The following DGKQ variants were observed in gnomAD, a reference collection of about 807,000 sequenced individuals.
DGKQ encodes the protein DAG kinase theta.
DGKQ carries 97 observed loss-of-function variants against 104.2 expected under a neutral mutation model. That is an observed-to-expected ratio of 0.93 (90% CI 0.79 to 1.10). DGKQ has a LOEUF of 1.10. DGKQ is among the 50% of genes least tolerant of loss of function. The pLI, the probability that DGKQ is intolerant of heterozygous loss-of-function variation, is 0.00. For synonymous variants in DGKQ, 736 were observed against 595.2 expected, an observed-to-expected ratio of 1.24 and a Z score of -3.44; for missense variants, 1,465 against 1,352.1, an observed-to-expected ratio of 1.08 and a Z score of -1.31.
At position 962,422 on chromosome 4, in the gene DGKQ, G is replaced by A; in HGVS notation, c.2214+13C>T. 1 of 1,551,118 alleles carries A rather than the reference G, an allele frequency of 6.4e-7. No individual in the cohort carries two copies. Among genetic ancestry groups the A allele is most frequent in the Non-Finnish European group, 8.7e-7 (1 of 1,152,238 alleles). On this transcript the variant is annotated intron_variant, in intron 18 of 22. Transcript: ENST00000273814. Reference sequence around the variant, plus strand: ...GGAGCCTGGAAGGCACCCCACGCCGGGCTGCCCTGTACCTTGGGGGGCTCT... The same window carrying A: ...GGAGCCTGGAAGGCACCCCACGCCGAGCTGCCCTGTACCTTGGGGGGCTCT...
chr4:968,882 CG>C lies in DGKQ; in HGVS notation c.379del (p.Arg127GlyfsTer174), dbSNP rs761931455. 3 of 1,600,264 alleles carry C rather than the reference CG, an allele frequency of 1.9e-6. No individual in the cohort carries two copies. The highest frequency in any genetic ancestry group is 1.7e-4 in the Middle Eastern group (1 of 5,978). On this transcript the variant is annotated frameshift_variant, in exon 3 of 23. Coordinates refer to ENST00000273814, the MANE Select transcript of DGKQ (RefSeq NM_001347.4). LOFTEE classifies it high-confidence loss of function. ...ACAGAACTTGCGCTTGTGGAGCCCC[CG>C]GGGGCCGAAGCAGTGGGCTACAGGA... is the stretch of plus-strand genomic sequence containing the variant. ...RVPVAHCFGP[R>X]GLHKRKFCAV...
chr4:967,903 C>A lies in DGKQ; in HGVS notation c.788G>T (p.Arg263Leu). The A allele has an allele frequency of 1.4e-6, 2 of 1,455,726 alleles. No individual in the cohort carries two copies. The highest frequency in any genetic ancestry group is 9.0e-7 in the Non-Finnish European group (1 of 1,112,390). 90.2% of individuals were successfully genotyped at this position (1,455,726 alleles called of 1,614,324 possible). A position where few individuals can be genotyped will look rare whatever the true frequency, so the allele number is the denominator to read the frequency against. ...ACCCGGCTCCGCGGCCTCCACGATG[C>A]GGAAGCTCTGCGTCTTGCTGAAGCC... ...PGGFSKTQSF[R>L]IVEAAEPGEG... Residue 263 changes from arginine (R) to leucine (L), a missense_variant, in exon 6 of 23, where the codon CGC becomes CTC. Physicochemically the swap from Arg to Leu is moderately radical, Grantham distance 102. Transcript: ENST00000273814.
chr4:968,123 C>G (rs1254490156), intron 5 of DGKQ, 96 bp from the exon 6 acceptor site: 2 of 1,037,616 alleles, frequency 1.9e-6, no homozygotes, highest in Admixed American at 3.1e-5. Context: ...GACGCAGACC[C>G]ACCTGGACCC....
intron 15 of DGKQ, among the ~76,000 whole-genome samples, chr4:963,554 G>A (rs569848622): frequency 9.8e-5 from 15 of 152,328 alleles, no homozygotes; most frequent in African/African-American, 2.9e-4. Flanking sequence ...CCTCAGACCT[G>A]CCCACTGAGC....
At position 962,608 on chromosome 4, in the gene DGKQ, C is replaced by A; in HGVS notation, c.2041G>T (p.Asp681Tyr). 1.2e-6 allele frequency: 2 copies of A among 1,607,584 alleles called. No homozygotes were observed. Among genetic ancestry groups the A allele is most frequent in the Non-Finnish European group, 1.7e-6 (2 of 1,179,636 alleles). The change falls in exon 18 of 23, where the codon GAC becomes TAC. Residue 681 changes from aspartate to tyrosine, a missense_variant. Transcript: ENST00000273814. Reference protein sequence around the residue: ...VAILPLGTGNDLGRVLRWGAG... With the variant: ...VAILPLGTGNYLGRVLRWGAG... ...CCCCAGCGGAGGACTCGACCAAGGTCATTCCCTGGGACACAAGCAGACACA... is the reference window on the plus strand; with the variant it reads ...CCCCAGCGGAGGACTCGACCAAGGTAATTCCCTGGGACACAAGCAGACACA...
At chr4:966,598 C>T in intron 11 of DGKQ, 71 bp from the exon 12 acceptor site, 1 of 1,551,084 alleles carries the variant, frequency 6.4e-7, no homozygotes, top group Non-Finnish European at 8.8e-7. Flanking sequence ...GCCCGGAGCC[C>T]CCAGGGCCCG....
chr4:967,800 C>T lies in DGKQ; in HGVS notation c.814G>A (p.Glu272Lys). Residue 272 changes from glutamate to lysine, a missense_variant and splice_region_variant, in exon 7 of 23, where the codon GAG (glutamate) becomes AAG (lysine). By Grantham distance (56) the Glu-to-Lys change is moderately conservative (BLOSUM62 1). Transcript: ENST00000273814. ...CTCCCGTCGGCGCCGTCGCCCCCCT[C>T]GCCTGCGGGTCGGGCACACGGACCC... Reference protein sequence around the residue: ...FRIVEAAEPGEGGDGADGSAA... With the variant: ...FRIVEAAEPGKGGDGADGSAA... 1.3e-6 allele frequency: 2 copies of T among 1,598,788 alleles called. No homozygotes were observed. Among genetic ancestry groups the T allele is most frequent in the South Asian group, 1.1e-5 (1 of 89,556 alleles).
In DGKQ at chr4:973,335, C is replaced by A. The variant is rs1417834840; in HGVS notation, c.148G>T (p.Val50Phe). The A allele has an allele frequency of 5.7e-6, 8 of 1,398,430 alleles. No homozygotes were observed. The highest frequency in any genetic ancestry group is 2.8e-5 in the Admixed American group (1 of 35,662). 86.6% of individuals were successfully genotyped at this position (1,398,430 alleles called of 1,614,324 possible). A position where few individuals can be genotyped will look rare whatever the true frequency, so the allele number is the denominator to read the frequency against. Reference sequence around the variant, plus strand: ...GCGGCAGCGGGGCCCGGGGCTCTGACGCCCGCCCGCTCGGGTCCCGGCCCC... The same window carrying A: ...GCGGCAGCGGGGCCCGGGGCTCTGAAGCCCGCCCGCTCGGGTCCCGGCCCC... ...GPGPGPERAG[V>F]RAPGPAAAPG... The change falls in exon 1 of 23, where the codon GTC (valine) becomes TTC (phenylalanine). Residue 50 changes from valine (V) to phenylalanine (F), a missense_variant. Physicochemically the swap from Val to Phe is conservative, Grantham distance 50. Coordinates refer to ENST00000273814, the MANE Select transcript of DGKQ (RefSeq NM_001347.4).
chr4:968,086 C>CGCCA (rs1203302859), intron 5 of DGKQ, 59 bp from the exon 6 acceptor site: 1 of 1,261,106 alleles, frequency 7.9e-7, no homozygotes, highest in Non-Finnish European at 1.0e-6. Context: ...GCACCAGGTG[C>CGCCA]GCCAGGTCCA....
chr4:961,371 C>T (rs1316272852), intron 21 of DGKQ, 96 bp downstream of exon 21: 1 of 1,397,870 alleles, frequency 7.2e-7, no homozygotes, highest in African/African-American at 1.5e-5. Flanking sequence ...GACGCCCACC[C>T]TGGACCTGGC....
At chr4:968,198 C>CACCAACTCCTCCACCTCCCA in intron 5 of DGKQ, 84 bp downstream of exon 5, 1 of 742,816 alleles carries the variant, frequency 1.3e-6, no homozygotes, top group Non-Finnish European at 2.0e-6. Flanking sequence ...TGCCCCGCCC[C>CACCAACTCCTCCACCTCCCA]GCCAACTCCT....
chr4:971,867 A>G lies in DGKQ; in HGVS notation c.272-795T>C, dbSNP rs1712958878. ...CGGAGCCCCAGGCAGTCCAGCTGGG[A>G]CAGGGAGCTCTTCCAGAAGGCCCCG... On this transcript the variant is annotated intron_variant, in intron 1 of 22. Coordinates refer to ENST00000273814, the MANE Select transcript of DGKQ (RefSeq NM_001347.4). The surrounding 1 kb of genome is among the most constrained non-coding windows in gnomAD (Gnocchi z 4.0). Among the ~76,000 whole-genome samples the G allele has an allele frequency of 6.6e-6, 1 of 151,958 alleles. No homozygotes were observed. The highest frequency in any genetic ancestry group is 6.6e-5 in the Admixed American group (1 of 15,262).
At chr4:962,671 G>A in intron 17 of DGKQ, 58 bp from the exon 18 acceptor site, 1 of 1,591,462 alleles carries the variant, frequency 6.3e-7, no homozygotes, top group Non-Finnish European at 8.5e-7. Context: ...TCAGCTGGGT[G>A]CAGACCCCAC....
Position 968,899 on chromosome 4 carries a change from G to T in DGKQ, c.363C>A (p.Ala121=). The T allele has an allele frequency of 6.3e-7, 1 of 1,592,334 alleles. No individual in the cohort carries two copies. Residue 121 remains alanine, a synonymous_variant, in exon 3 of 23, where the codon GCC becomes GCA. Coordinates refer to ENST00000273814, the MANE Select transcript of DGKQ (RefSeq NM_001347.4). The part of the protein sequence containing the change: ...VAPSLVRVPV[A]HCFGPRGLHK... ...GGAGCCCCCGGGGGCCGAAGCAGTG[G>T]GCTACAGGAACCTGGTGGGGCAGCC...
At chr4:970,636 G>A (rs1035050819) in intron 2 of DGKQ, among the ~76,000 whole-genome samples, 5 of 152,104 alleles carry the variant, frequency 3.3e-5, no homozygotes, top group African/African-American at 9.7e-5. Flanking sequence ...CTGAGGTCAC[G>A]CCAGATGCCG....
At position 961,482 on chromosome 4, in the gene DGKQ, C is replaced by G; in HGVS notation, c.2559G>C (p.Thr853=). ...GGCGGCTCACCATGTGCACGACGCC[C>G]GTCACGCCCACAACCTCCAGCAGCC... ...DDGLLEVVGV[T]GVVHMGQVQG... Residue 853 remains threonine, a synonymous_variant, in exon 21 of 23, where the codon ACG becomes ACC. Transcript: ENST00000273814. 1.2e-6 allele frequency: 2 copies of G among 1,602,182 alleles called. No homozygotes were observed. Among genetic ancestry groups the G allele is most frequent in the African/African-American group, 2.7e-5 (2 of 74,670 alleles).
rs1713072101 is a variant in DGKQ, at chr4:973,168, G to C, written c.271+44C>G. On this transcript the variant is annotated intron_variant, in intron 1 of 22. Transcript: ENST00000273814. The stretch of plus-strand genomic sequence containing the variant: ...CGCTCAGGCTCCCGCCCACGGGGCA[G>C]AGGCAGGGCTGCAGCCGGGTAGGCA... 3 of 1,486,812 alleles carry C rather than the reference G, an allele frequency of 2.0e-6. No homozygotes were observed. In the East Asian group the frequency reaches 8.9e-5, roughly 44 times the overall value. 92.1% of individuals were successfully genotyped at this position (1,486,812 alleles called of 1,614,324 possible).
rs773677269 is a variant in DGKQ at position 961,058 on chromosome 4, A to G, written c.2718T>C (p.Ala906=). 1.9e-6 allele frequency: 3 copies of G among 1,612,058 alleles called. No homozygotes were observed. The highest frequency in any genetic ancestry group is 3.3e-5 in the Admixed American group (2 of 59,970). The change falls in exon 22 of 23, where the codon GCT becomes GCC. Residue 906 remains alanine (A), a synonymous_variant. Coordinates refer to ENST00000273814, the MANE Select transcript of DGKQ (RefSeq NM_001347.4). Reference sequence around the variant, plus strand: ...GCCTCACCCCACATACCTTAGGGCCAGCAGCTGAGATGATCATGTGCCCCG... The same window carrying G: ...GCCTCACCCCACATACCTTAGGGCCGGCAGCTGAGATGATCATGTGCCCCG... ...QAPGHMIISA[A]GPKVHMLRKA... is the part of the protein sequence containing the mutation.
chr4:960,706 T>C lies in DGKQ; in HGVS notation c.2743A>G (p.Lys915Glu). The C allele has an allele frequency of 1.2e-6, 2 of 1,612,056 alleles. No individual in the cohort carries two copies. Among genetic ancestry groups the C allele is most frequent in the Non-Finnish European group, 1.7e-6 (2 of 1,179,712 alleles). ...GCCCTCCTCGGCTTCTGCTTGGCCT[T>C]CCTCAGCATGTGCACCTGTCCCAGG... ...AAGPKVHMLR[K>E]AKQKPRRAGT... The change falls in exon 23 of 23, where the codon AAG becomes GAG. Residue 915 changes from lysine (K) to glutamate (E), a missense_variant. Coordinates refer to ENST00000273814, the MANE Select transcript of DGKQ (RefSeq NM_001347.4).
Sources: allele counts gnomAD v4.1 joint callset (sites outside exome capture counted in the v4.1 genomes callset), GRCh38; gene constraint gnomAD v4.1.1; non-coding constraint Gnocchi (gnomAD v3.1); transcripts MANE v1.5; gene names NCBI Gene and HGNC (gene_info 2026-07-23, HGNC 2026-07-21).